The following FRMPD4 variants were observed in gnomAD, a reference collection of about 807,000 sequenced individuals.
The protein encoded by FRMPD4 is FERM and PDZ domain-containing protein 4.
FRMPD4 carries 22 observed loss-of-function variants against 94.1 expected under a neutral mutation model. That is an observed-to-expected ratio of 0.23 (90% CI 0.17 to 0.33). FRMPD4 has a LOEUF of 0.33. Among genes scored for constraint, FRMPD4 ranks in the 10% least tolerant of loss-of-function variants. The pLI is 1.00. For missense variants in FRMPD4, 1,111 were observed against 1,339.9 expected (o/e 0.83, Z 2.67); for synonymous variants, 631 against 548.6 (o/e 1.15, Z -2.10).
At chrX:12,120,901 G>T (rs1267873406) in intron 3 of FRMPD4, among the ~76,000 whole-genome samples, 1 of 110,554 alleles carries the variant, frequency 9.0e-6, no homozygotes, top group Non-Finnish European at 1.9e-5. Flanking sequence ...ACCACTTTCA[G>T]TGATTCTTCA....
intron 1 of FRMPD4, among the ~76,000 whole-genome samples, chrX:12,329,523 A>G (rs12007271): frequency 0.16 from 17,472 of 109,750 alleles, 1,099 homozygotes; most frequent in Non-Finnish European, 0.19. Context: ...TGCTTTCTGA[A>G]CCCCCAACAA....
Position 12,148,012 on chromosome X carries a change from C to T in FRMPD4, c.41+9000C>T, listed in dbSNP as rs1423707088. On this transcript the variant is annotated intron_variant, in intron 1 of 16. Transcript: ENST00000675598. ...ACTAGCCATTCCCTCATGTCTCTCC[C>T]TTTCCTCAGGCTCCCCTGTTCCTTG... is the stretch of plus-strand genomic sequence containing the variant. Among the ~76,000 whole-genome samples the T allele has an allele frequency of 5.4e-5, 6 of 111,931 alleles. No individual in the cohort carries two copies. The East Asian group carries it at 1.7e-3, about 31-fold the overall frequency.
At chrX:12,646,731 G>A (rs781042840) in intron 4 of FRMPD4, among the ~76,000 whole-genome samples, 4 of 111,978 alleles carry the variant, frequency 3.6e-5, no homozygotes, top group Non-Finnish European at 7.5e-5. Flanking sequence ...AAGCTTCTTC[G>A]GGGATATCAT....
intron 3 of FRMPD4, among the ~76,000 whole-genome samples, chrX:12,095,325 C>T (rs1426057315): frequency 9.3e-6 from 1 of 107,431 alleles, no homozygotes; most frequent in African/African-American, 3.4e-5. Context: ...CTGTGGTGAG[C>T]CATGATTATG....
intron 1 of FRMPD4, among the ~76,000 whole-genome samples, chrX:12,300,575 T>C (rs1166844879): frequency 8.9e-6 from 1 of 112,542 alleles, no homozygotes; most frequent in Non-Finnish European, 1.9e-5. Flanking sequence ...AATCATGCAC[T>C]ACTCTGTGGT....
At chrX:12,516,408 C>T (rs1335239025) in intron 2 of FRMPD4, among the ~76,000 whole-genome samples, 1 of 111,901 alleles carries the variant, frequency 8.9e-6, no homozygotes, top group Non-Finnish European at 1.9e-5. Flanking sequence ...TGACGAATTC[C>T]CTCAGCATTT....
chrX:12,003,842 T>G (rs752270266), intron 3 of FRMPD4, among the ~76,000 whole-genome samples: 1 of 112,475 alleles, frequency 8.9e-6, no homozygotes, highest in Non-Finnish European at 1.9e-5. Flanking sequence ...AATGCACAAT[T>G]TTTTTCATTA....
At chrX:12,006,339 T>C (rs1487647699) in intron 3 of FRMPD4, among the ~76,000 whole-genome samples, 2 of 112,598 alleles carry the variant, frequency 1.8e-5, no homozygotes, top group African/African-American at 6.5e-5. Flanking sequence ...AACAGGAGGA[T>C]TTGATAGATA....
chrX:11,908,765 T>C (rs1195560659), intron 3 of FRMPD4, among the ~76,000 whole-genome samples: 1 of 112,136 alleles, frequency 8.9e-6, no homozygotes, highest in African/African-American at 3.2e-5. Context: ...GCCTTTCATC[T>C]ATTTTTAGGC....
At chrX:12,449,117 C>A (rs1456085062) in intron 1 of FRMPD4, among the ~76,000 whole-genome samples, 4 of 112,304 alleles carry the variant, frequency 3.6e-5, no homozygotes, top group Non-Finnish European at 5.6e-5. Flanking sequence ...TTTCACAATA[C>A]GTATTTAGGC....
intron 1 of FRMPD4, among the ~76,000 whole-genome samples, chrX:12,358,130 T>C (rs930233375): frequency 8.9e-6 from 1 of 112,551 alleles, no homozygotes; most frequent in Non-Finnish European, 1.9e-5. Flanking sequence ...TGTTGATCAG[T>C]TCTCCAGTTT....
intron 1 of FRMPD4, among the ~76,000 whole-genome samples, chrX:12,199,226 TAGAA>T (rs776715500): frequency 4.0e-4 from 40 of 98,897 alleles, no homozygotes; most frequent in Non-Finnish European, 6.1e-5. Context: ...ATTTAAATGT[TAGAA>T]AGGAAAATGT....
intron 6 of FRMPD4, among the ~76,000 whole-genome samples, chrX:12,685,236 A>ATGTG (rs2060009496): frequency 9.0e-6 from 1 of 111,687 alleles, no homozygotes; most frequent in South Asian, 3.8e-4. Flanking sequence ...AAAACAAGGG[A>ATGTG]TGTGTGCACT....
chrX:12,303,367 A>G (rs1448129273), intron 1 of FRMPD4, among the ~76,000 whole-genome samples: 1 of 112,228 alleles, frequency 8.9e-6, no homozygotes, highest in Non-Finnish European at 1.9e-5. Flanking sequence ...AGTAAAATTA[A>G]TCAGTTATAA....
At chrX:12,168,145 C>A (rs372992078) in intron 1 of FRMPD4, among the ~76,000 whole-genome samples, 1 of 111,333 alleles carries the variant, frequency 9.0e-6, no homozygotes, top group East Asian at 2.8e-4. Flanking sequence ...TATTGAAAAA[C>A]CTGGTCTAAA....
intron 3 of FRMPD4, among the ~76,000 whole-genome samples, chrX:12,017,926 G>C (rs2054612542): frequency 9.0e-6 from 1 of 111,717 alleles, no homozygotes; most frequent in African/African-American, 3.3e-5. Flanking sequence ...TGGCTATCTG[G>C]ATAGCTAGCT....
At chrX:12,508,018 T>C (rs944546026) in intron 2 of FRMPD4, among the ~76,000 whole-genome samples, 1 of 112,059 alleles carries the variant, frequency 8.9e-6, no homozygotes, top group Non-Finnish European at 1.9e-5. Flanking sequence ...AAATAATTAT[T>C]AGGAAGGTGA....
At chrX:11,949,415 G>A (rs1380092664) in intron 3 of FRMPD4, among the ~76,000 whole-genome samples, 1 of 111,954 alleles carries the variant, frequency 8.9e-6, no homozygotes, top group Non-Finnish European at 1.9e-5. Context: ...AACTTCCTGA[G>A]CATGTGTCTG....
chrX:12,071,664 G>A (rs534184017), intron 3 of FRMPD4, among the ~76,000 whole-genome samples: 33 of 111,291 alleles, frequency 3.0e-4, no homozygotes, highest in African/African-American at 9.8e-4. Context: ...CTCTGCTCCC[G>A]CTTGTCTCCT....
Sources: allele counts gnomAD v4.1 joint callset (sites outside exome capture counted in the v4.1 genomes callset), GRCh38; gene constraint gnomAD v4.1.1; transcripts MANE v1.5; gene names NCBI Gene and HGNC (gene_info 2026-07-23, HGNC 2026-07-21).